BEAN1: variants seen among roughly 807,000 people sequenced by gnomAD.
The protein encoded by BEAN1 is brain expressed associated with NEDD4 1.
In BEAN1, 17 loss-of-function variants were observed where a neutral mutation model predicts 17.7. That is an observed-to-expected ratio of 0.96 (90% CI 0.66 to 1.44). The LOEUF is 1.44. BEAN1 is among the 40% of genes most tolerant of loss of function. BEAN1 has a pLI of 0.00. For synonymous variants in BEAN1, 142 were observed against 151.8 expected, an observed-to-expected ratio of 0.94 and a Z score of 0.47; for missense variants, 359 against 374.1, an observed-to-expected ratio of 0.96 and a Z score of 0.33.
At position 66,481,027 on chromosome 16, in the gene BEAN1, TAA is replaced by T; in HGVS notation, c.*103_*104del. ...CACACAGAGATGCACACGTGACTCA[TAA>T]CACACACATAGACCAAACTTGTATA... On this transcript the variant is annotated 3_prime_UTR_variant, in exon 5 of 5. Coordinates refer to ENST00000536005, the MANE Select transcript of BEAN1 (RefSeq NM_001178020.3). The surrounding 1 kb of genome is among the most constrained non-coding windows in gnomAD (Gnocchi z 4.1). 1 of 1,059,486 alleles carries T rather than the reference TAA, an allele frequency of 9.4e-7. No individual in the cohort carries two copies. The allele number at this position is 1,059,486 out of a possible 1,614,324, so 65.6% of individuals were successfully genotyped here. A position where few individuals can be genotyped will look rare whatever the true frequency, so the allele number is the denominator to read the frequency against.
At chr16:66,463,462 G>A (rs1470061136) in intron 2 of BEAN1, among the ~76,000 whole-genome samples, 1 of 152,166 alleles carries the variant, frequency 6.6e-6, no homozygotes, top group African/African-American at 2.4e-5. Flanking sequence ...TGTCTGTTCA[G>A]ATCTTTTGAC....
intron 2 of BEAN1, among the ~76,000 whole-genome samples, chr16:66,442,693 T>C (rs1962303520): frequency 1.3e-5 from 2 of 152,176 alleles, no homozygotes; most frequent in South Asian, 4.1e-4. Flanking sequence ...AATTTGCTCA[T>C]CTATAAAATG....
At chr16:66,493,481 G>A in exon 5 of BEAN1, 1 of 602,358 alleles carries the variant, frequency 1.7e-6, no homozygotes, top group Non-Finnish European at 3.0e-6. Flanking sequence ...GGACAGTGAG[G>A]AGGTCCTGCC....
At chr16:66,490,828 G>A (rs1031378205) in intron 4 of BEAN1, among the ~76,000 whole-genome samples, 2 of 152,178 alleles carry the variant, frequency 1.3e-5, no homozygotes, top group African/African-American at 4.8e-5. Flanking sequence ...GGAGGGGCCC[G>A]GTCACCCTCC....
intron 3 of BEAN1, among the ~76,000 whole-genome samples, chr16:66,472,516 C>G (rs1049998682): frequency 6.6e-6 from 1 of 152,190 alleles, no homozygotes; most frequent in East Asian, 1.9e-4. Flanking sequence ...CCAGCCTGGC[C>G]AACATGGCAA....
chr16:66,494,606 TCA>T (rs897314157), downstream of BEAN1, among the ~76,000 whole-genome samples: 1 of 152,140 alleles, frequency 6.6e-6, no homozygotes, highest in Non-Finnish European at 1.5e-5. Context: ...ATTTCACCTA[TCA>T]CAGTGCAAAT....
chr16:66,479,193 G>A (rs925984651), intron 4 of BEAN1: 3 of 152,336 alleles, frequency 2.0e-5, no homozygotes, highest in South Asian at 2.1e-4. Context: ...TGAGCCCTTG[G>A]TTCCTGAGGC....
downstream of BEAN1, chr16:66,485,198 C>G (rs1276515579): frequency 4.7e-6 from 2 of 425,454 alleles, no homozygotes; most frequent in Admixed American, 2.5e-5. Flanking sequence ...CACTGGGGCC[C>G]CTCCCAAGTT....
intron 1 of BEAN1, among the ~76,000 whole-genome samples, chr16:66,431,110 A>T (rs1267416732): frequency 2.6e-5 from 4 of 152,218 alleles, no homozygotes; most frequent in African/African-American, 4.8e-5. Flanking sequence ...CAAGTAAATT[A>T]AAAAAATTTT....
At chr16:66,469,159 T>C (rs1467524754) in intron 2 of BEAN1, among the ~76,000 whole-genome samples, 1 of 152,196 alleles carries the variant, frequency 6.6e-6, no homozygotes, top group African/African-American at 2.4e-5. Context: ...GGCAGAATCG[T>C]TACTCATACT....
downstream of BEAN1, among the ~76,000 whole-genome samples, chr16:66,487,484 G>A (rs1037983288): frequency 1.3e-5 from 2 of 152,166 alleles, no homozygotes; most frequent in East Asian, 1.9e-4. Flanking sequence ...TCAATTATGA[G>A]AGAAACAGTG....
downstream of BEAN1, chr16:66,484,867 G>C: frequency 2.2e-6 from 1 of 454,120 alleles, no homozygotes; most frequent in Non-Finnish European, 4.4e-6. The surrounding 1 kb of genome is among the most constrained non-coding windows in gnomAD (Gnocchi z 4.2). Context: ...CATTTTTGGA[G>C]GCTGCCCTTT....
Position 66,492,961 on chromosome 16 carries a change from G to C in BEAN1, c.148-1G>C. The C allele has an allele frequency of 1.4e-6, 1 of 702,708 alleles. No individual in the cohort carries two copies. The highest frequency in any genetic ancestry group is 2.6e-6 in the Non-Finnish European group (1 of 384,850). The allele number at this position is 702,708 out of a possible 1,614,324, so 43.5% of individuals were successfully genotyped here. A position where few individuals can be genotyped will look rare whatever the true frequency, so the allele number is the denominator to read the frequency against. The stretch of plus-strand genomic sequence containing the variant: ...CTAACAAGCTCCCTTGTCTGTTCTA[G>C]ATGTACACTGGGAGCTTTACCTACT... On this transcript the variant is annotated splice_acceptor_variant, in intron 4 of 4. Transcript: ENST00000561796. LOFTEE classifies it high-confidence loss of function.
chr16:66,447,093 G>C (rs1165957039), intron 2 of BEAN1, among the ~76,000 whole-genome samples: 1 of 152,158 alleles, frequency 6.6e-6, no homozygotes, highest in Non-Finnish European at 1.5e-5. Flanking sequence ...AGCATACCAA[G>C]ACCCTGTCTC....
In BEAN1 at chr16:66,427,647, C is replaced by T. The variant is rs924428846; in HGVS notation, c.-83+216C>T. 1 of 152,104 alleles carries T rather than the reference C, an allele frequency of 6.6e-6. No homozygotes were observed. Among genetic ancestry groups the T allele is most frequent in the African/African-American group, 2.4e-5 (1 of 41,440 alleles). 9.4% of individuals were successfully genotyped at this position (152,104 alleles called of 1,614,324 possible). A position where few individuals can be genotyped will look rare whatever the true frequency, so the allele number is the denominator to read the frequency against. ...CGGGTCTCCCGCGGACCCTCGACCCCGGGCTGGCCACTGGGATCTGCGCGA... is the reference window on the plus strand; with the variant it reads ...CGGGTCTCCCGCGGACCCTCGACCCTGGGCTGGCCACTGGGATCTGCGCGA... On this transcript the variant is annotated intron_variant, in intron 1 of 4. Coordinates refer to ENST00000536005, the MANE Select transcript of BEAN1 (RefSeq NM_001178020.3). This position sits in a 1 kb window ranked among gnomAD's most constrained non-coding sequence, Gnocchi z 4.7.
At chr16:66,484,074 G>A (rs1373514312), downstream of BEAN1, 1 of 177,942 alleles carries the variant, frequency 5.6e-6, no homozygotes, top group African/African-American at 2.4e-5. This position sits in a 1 kb window ranked among gnomAD's most constrained non-coding sequence, Gnocchi z 4.2. Flanking sequence ...TGTTCTATGA[G>A]GTTGAACCCA....
Position 66,479,976 on chromosome 16 carries a change from A to G in BEAN1, c.441-610A>G, listed in dbSNP as rs78869407. 4.6e-3 allele frequency among the ~76,000 whole-genome samples: 704 copies of G among 152,166 alleles called. 2 individuals carry two copies. The highest frequency in any genetic ancestry group is 8.2e-3 in the Non-Finnish European group (560 of 67,962). On this transcript the variant is annotated intron_variant, in intron 4 of 4. Coordinates refer to ENST00000536005, the MANE Select transcript of BEAN1 (RefSeq NM_001178020.3). ...GCAGATCACCCATCAGTACTCGAAG[A>G]GGGAAAGGGGTCAGGGCCTCCACCA...
chr16:66,466,294 A>AAAC (rs1007099097), intron 2 of BEAN1, among the ~76,000 whole-genome samples: 14 of 152,288 alleles, frequency 9.2e-5, no homozygotes, highest in South Asian at 8.3e-4. Flanking sequence ...ACAAACAAAA[A>AAAC]AACAACAACA....
At chr16:66,494,277 T>C (rs8048785), downstream of BEAN1, among the ~76,000 whole-genome samples, 9,536 of 152,136 alleles carry the variant, frequency 0.063, 979 homozygotes, top group African/African-American at 0.22. Flanking sequence ...TTGTGAGGCA[T>C]AGGAGCCAAT....
Sources: gnomAD v4.1 joint callset for allele counts (sites outside exome capture counted in the v4.1 genomes callset) on GRCh38, gnomAD v4.1.1 for gene constraint, Gnocchi (gnomAD v3.1) non-coding constraint, MANE v1.5 for transcripts, NCBI Gene and HGNC (gene_info 2026-07-23, HGNC 2026-07-21) for gene names.